Variants in CLCN5 observed in about 807,000 individuals in gnomAD.
The protein encoded by CLCN5 is H(+)/Cl(-) exchange transporter 5.
CLCN5 carries 17 observed loss-of-function variants against 54.0 expected under a neutral mutation model. That is an observed-to-expected ratio of 0.31 (90% CI 0.22 to 0.47). CLCN5 has a LOEUF of 0.47. CLCN5 is among the 20% of genes least tolerant of loss of function. The probability of loss-of-function intolerance (pLI) is 1.00; values close to 1 mark genes in which losing one functional copy is unlikely to be tolerated. For synonymous variants in CLCN5, 222 were observed against 233.0 expected, an observed-to-expected ratio of 0.95 and a Z score of 0.43; for missense variants, 448 against 646.7, an observed-to-expected ratio of 0.69 and a Z score of 3.33.
chrX:50,022,327 C>G (rs1931141875), intron 3 of CLCN5, among the ~76,000 whole-genome samples: 1 of 32,374 alleles, frequency 3.1e-5, no homozygotes, highest in Non-Finnish European at 4.8e-5. Context: ...GTGATATCCC[C>G]TTTATCATTT....
intron 6 of CLCN5, among the ~76,000 whole-genome samples, chrX:50,072,913 G>T (rs1214609092): frequency 6.4e-5 from 7 of 110,113 alleles, no homozygotes; most frequent in African/African-American, 2.0e-4. Context: ...AATACATACT[G>T]CATGGGTTTT....
Position 50,025,788 on chromosome X carries a change from G to T in CLCN5, c.17-16528G>T, listed in dbSNP as rs1931351977. Among the ~76,000 whole-genome samples the T allele has an allele frequency of 2.7e-5, 3 of 110,825 alleles. No individual in the cohort carries two copies. In the South Asian group the frequency reaches 1.2e-3, roughly 43 times the overall value. ...CAGGCCTTTCATGCTTACTTAACCGGGCTAGAGGTTTATCAATTTTATTGA... is the reference window on the plus strand; with the variant it reads ...CAGGCCTTTCATGCTTACTTAACCGTGCTAGAGGTTTATCAATTTTATTGA... On this transcript the variant is annotated intron_variant, in intron 3 of 14. Transcript: ENST00000376091.
At chrX:50,056,886 T>C (rs1557189027) in intron 4 of CLCN5, among the ~76,000 whole-genome samples, 1 of 111,929 alleles carries the variant, frequency 8.9e-6, no homozygotes, top group Non-Finnish European at 1.9e-5. Context: ...TTCAATATCA[T>C]AGATTTGTTG....
In CLCN5 at chrX:50,086,311, C is replaced by A. The variant is rs1557193890; in HGVS notation, c.1015-17C>A. On this transcript the variant is annotated splice_polypyrimidine_tract_variant and intron_variant, in intron 10 of 14. Coordinates refer to ENST00000376091, the MANE Select transcript of CLCN5 (RefSeq NM_001127898.4). Reference sequence around the variant, plus strand: ...TGCGTATTGACTGAGTTTGCTTTCTCACCTTCTTTCTTCTAGGTCAGCTAC... The same window carrying A: ...TGCGTATTGACTGAGTTTGCTTTCTAACCTTCTTTCTTCTAGGTCAGCTAC... 8.3e-7 allele frequency: 1 copy of A among 1,202,646 alleles called. No homozygotes were observed. Among genetic ancestry groups the A allele is most frequent in the Non-Finnish European group, 1.1e-6 (1 of 889,238 alleles).
intron 3 of CLCN5, among the ~76,000 whole-genome samples, chrX:49,946,981 A>G (rs1926791790): frequency 9.1e-6 from 1 of 109,667 alleles, no homozygotes; most frequent in African/African-American, 3.3e-5. Context: ...GTCATGTGCC[A>G]CCATGTGATT....
At chrX:50,068,658 CTGTTTGGAGTTTACAG>C (rs782670140) in intron 4 of CLCN5, among the ~76,000 whole-genome samples, 2 of 110,669 alleles carry the variant, frequency 1.8e-5, no homozygotes, top group Non-Finnish European at 3.8e-5. Flanking sequence ...CTAAAGTTGT[CTGTTTGGAGTTTACAG>C]TGAAGATGGG....
chrX:50,050,092 A>G (rs1432242977), intron 4 of CLCN5, among the ~76,000 whole-genome samples: 2 of 112,061 alleles, frequency 1.8e-5, no homozygotes, highest in African/African-American at 6.5e-5. Context: ...TTGTTTATCC[A>G]TTCATCTACT....
chrX:49,980,128 A>G (rs1346356596), intron 3 of CLCN5, among the ~76,000 whole-genome samples: 1 of 111,328 alleles, frequency 9.0e-6, no homozygotes, highest in East Asian at 2.8e-4. Flanking sequence ...TTATATGTCT[A>G]TATATGTCTC....
intron 9 of CLCN5, among the ~76,000 whole-genome samples, chrX:50,082,601 C>G (rs1557193360): frequency 3.6e-5 from 4 of 111,369 alleles, no homozygotes; most frequent in Non-Finnish European, 7.5e-5. Flanking sequence ...GCATGAGACA[C>G]GATGCCTGGC....
intron 3 of CLCN5, among the ~76,000 whole-genome samples, chrX:50,025,910 C>T (rs188897472): frequency 2.7e-5 from 3 of 111,761 alleles, no homozygotes; most frequent in South Asian, 3.8e-4. Flanking sequence ...ATTACTTCTT[C>T]TCTTCTGCTT....
At chrX:49,954,788 C>G (rs1408187162) in intron 3 of CLCN5, among the ~76,000 whole-genome samples, 1 of 111,826 alleles carries the variant, frequency 8.9e-6, no homozygotes, top group Non-Finnish European at 1.9e-5. Context: ...AGGGATGGAC[C>G]TATTTCTCAT....
chrX:50,039,690 AT>A (rs1232324396), intron 3 of CLCN5, among the ~76,000 whole-genome samples: 14 of 108,085 alleles, frequency 1.3e-4, no homozygotes, highest in Admixed American at 3.0e-4. Context: ...CACAGAATGA[AT>A]TTTTTTTTTC....
At chrX:50,016,636 A>G (rs1479389741) in intron 3 of CLCN5, among the ~76,000 whole-genome samples, 2 of 109,551 alleles carry the variant, frequency 1.8e-5, no homozygotes, top group Non-Finnish European at 3.8e-5. Flanking sequence ...TATATACTCT[A>G]TGGGTTTTGA....
At chrX:50,025,658 T>G (rs965923187) in intron 3 of CLCN5, among the ~76,000 whole-genome samples, 2 of 111,658 alleles carry the variant, frequency 1.8e-5, no homozygotes, top group African/African-American at 6.5e-5. Flanking sequence ...TCTTACTTAC[T>G]CTTTCCATCT....
intron 3 of CLCN5, among the ~76,000 whole-genome samples, chrX:49,966,612 ATTTTTTTATTTTTT>A (rs1557175498): frequency 5.2e-5 from 1 of 19,090 alleles, no homozygotes; most frequent in Non-Finnish European, 7.2e-5. Flanking sequence ...TTTTTTTTTT[ATTTTTTTATTTTTT>A]TTATTATACT....
At chrX:50,008,549 C>T (rs782299886) in intron 3 of CLCN5, 1 of 335,356 alleles carries the variant, frequency 3.0e-6, no homozygotes, top group South Asian at 3.0e-5. Flanking sequence ...TCTTTCTGTC[C>T]TCCTATCATC....
At chrX:49,987,220 C>T (rs1929029212) in intron 3 of CLCN5, among the ~76,000 whole-genome samples, 1 of 112,321 alleles carries the variant, frequency 8.9e-6, no homozygotes, top group Non-Finnish European at 1.9e-5. Flanking sequence ...AGTCCATTGA[C>T]ATCACCTGTT....
intron 3 of CLCN5, among the ~76,000 whole-genome samples, chrX:50,039,167 G>A (rs1451114361): frequency 9.0e-6 from 1 of 111,316 alleles, no homozygotes; most frequent in African/African-American, 3.3e-5. Flanking sequence ...AGTGACGCAC[G>A]CCTGTAGTCC....
At chrX:50,077,563 T>G (rs781909284) in intron 7 of CLCN5, among the ~76,000 whole-genome samples, 63 of 104,376 alleles carry the variant, frequency 6.0e-4, no homozygotes, top group Non-Finnish European at 1.1e-3. Flanking sequence ...TAGAAAAGTT[T>G]GAGAAGTCCT....
Sources: allele counts gnomAD v4.1 joint callset (sites outside exome capture counted in the v4.1 genomes callset), GRCh38; gene constraint gnomAD v4.1.1; transcripts MANE v1.5; gene names NCBI Gene and HGNC (gene_info 2026-07-23, HGNC 2026-07-21).